Variants in XRCC5 observed in about 807,000 individuals in gnomAD.
The protein encoded by XRCC5 is DNA repair protein Ku80.
In XRCC5, 12 loss-of-function variants were observed where a neutral mutation model predicts 95.7. The ratio of observed to expected loss-of-function variants is 0.13; its 90% CI spans 0.08 to 0.20. The LOEUF (loss-of-function observed/expected upper bound fraction) is 0.20, where lower values mean the gene tolerates loss of function less well. XRCC5 is among the 10% of genes least tolerant of loss of function. The pLI, the probability that XRCC5 is intolerant of heterozygous loss-of-function variation, is 1.00. For synonymous variants in XRCC5, 281 were observed against 290.3 expected (o/e 0.97, Z 0.33); for missense variants, 595 against 873.9 (o/e 0.68, Z 4.02).
At chr2:216,150,810 A>T (rs749644970) in intron 14 of XRCC5, among the ~76,000 whole-genome samples, 2 of 152,046 alleles carry the variant, frequency 1.3e-5, no homozygotes, top group Non-Finnish European at 2.9e-5. Flanking sequence ...AATCTCTTGA[A>T]CCTGGGAGGC....
At chr2:216,185,218 C>T (rs1225985829) in intron 16 of XRCC5, among the ~76,000 whole-genome samples, 2 of 152,166 alleles carry the variant, frequency 1.3e-5, no homozygotes, top group Non-Finnish European at 2.9e-5. Context: ...TAACACACTT[C>T]GTAACCTGCA....
intron 16 of XRCC5, among the ~76,000 whole-genome samples, chr2:216,167,606 GTGT>G (rs1559254093): frequency 1.8e-5 from 2 of 111,798 alleles, no homozygotes; most frequent in Non-Finnish European, 3.7e-5. Flanking sequence ...GTGTGTGTGT[GTGT>G]GTGTGATTTT....
Position 216,116,551 on chromosome 2 carries a change from G to A in XRCC5, c.136-108G>A, listed in dbSNP as rs149116378. 2.5e-4 allele frequency: 301 copies of A among 1,226,930 alleles called. 2 individuals carry two copies. In the African/African-American group the frequency reaches 3.7e-3, roughly 15 times the overall value. The allele number at this position is 1,226,930 out of a possible 1,614,324, so 76.0% of individuals were successfully genotyped here. A position where few individuals can be genotyped will look rare whatever the true frequency, so the allele number is the denominator to read the frequency against. ...TCCCGCCCAATACTATATGGCCCCA[G>A]GGACCTGCCATAGGGAGGTCTGGTT... On this transcript the variant is annotated intron_variant, in intron 2 of 20. Transcript: ENST00000392132.
chr2:216,148,007 G>A, intron 13 of XRCC5, 76 bp from the exon 14 acceptor site: 1 of 1,469,886 alleles, frequency 6.8e-7, no homozygotes, highest in Admixed American at 2.3e-5. Context: ...TAAAGATGGA[G>A]GATCCCTGAT....
At chr2:216,175,872 T>G in intron 16 of XRCC5, 1 of 430,042 alleles carries the variant, frequency 2.3e-6, no homozygotes, top group South Asian at 1.9e-5. Context: ...AAATGTTCTC[T>G]TAACCCATCA....
chr2:216,204,445 A>G (rs755845339), intron 20 of XRCC5, 49 bp downstream of exon 20: 2 of 1,597,438 alleles, frequency 1.3e-6, no homozygotes, highest in Non-Finnish European at 1.7e-6. Context: ...AAGTCACCTG[A>G]GCTGTAAATA....
intron 16 of XRCC5, among the ~76,000 whole-genome samples, chr2:216,173,961 G>A (rs747006816): frequency 1.3e-5 from 2 of 152,186 alleles, no homozygotes; most frequent in African/African-American, 4.8e-5. Flanking sequence ...CACTAAGACA[G>A]CTAATATTTT....
At chr2:216,132,525 C>A (rs1697011918) in intron 10 of XRCC5, 138 bp downstream of exon 10, 7 of 836,014 alleles carry the variant, frequency 8.4e-6, no homozygotes, top group Non-Finnish European at 1.4e-5. Context: ...TGATGTTTAA[C>A]TGAAAATGGA....
intron 16 of XRCC5, chr2:216,175,005 A>G: frequency 9.7e-6 from 3 of 310,654 alleles, no homozygotes; most frequent in South Asian, 6.6e-5. Flanking sequence ...TAATGGGTTC[A>G]TAATTTGATT....
rs543549439 is a variant in XRCC5 at position 216,190,294 on chromosome 2, G to C, written c.1904G>C (p.Ser635Thr). 9.9e-6 allele frequency: 16 copies of C among 1,613,954 alleles called. No homozygotes were observed. In the African/African-American group the frequency reaches 1.9e-4, roughly 19 times the overall value. ...DTNETPYFMK[S>T]IDCIRAFREE... is the part of the protein sequence containing the mutation. ...AATGAAACACCGTATTTTATGAAGA[G>C]CATAGACTGCATCCGAGCCTTCCGG... Residue 635 changes from serine to threonine, a missense_variant, in exon 17 of 21, where the codon AGC becomes ACC. By Grantham distance (58) the Ser-to-Thr change is moderately conservative (BLOSUM62 1). This residue lies in a region of XRCC5 where 309 missense variants were observed against 382.9 expected (regional missense o/e 0.81). Coordinates refer to ENST00000392132, the MANE Select transcript of XRCC5 (RefSeq NM_021141.4).
intron 10 of XRCC5, among the ~76,000 whole-genome samples, chr2:216,134,871 A>G (rs1043816974): frequency 5.9e-5 from 9 of 152,240 alleles, no homozygotes; most frequent in Non-Finnish European, 1.2e-4. Context: ...TAACTATTAG[A>G]ACATACATGT....
chr2:216,130,788 T>G, intron 8 of XRCC5, 87 bp from the exon 9 acceptor site: 1 of 771,610 alleles, frequency 1.3e-6, no homozygotes. Flanking sequence ...CGTGTGCGTG[T>G]GTTGTTAATG....
intron 16 of XRCC5, among the ~76,000 whole-genome samples, chr2:216,165,854 A>T (rs1269361691): frequency 6.6e-6 from 1 of 152,206 alleles, no homozygotes; most frequent in African/African-American, 2.4e-5. Context: ...CAGGCCTGAT[A>T]GTAGCATAAT....
At chr2:216,205,139 G>A (rs1267914633) in intron 20 of XRCC5, 49 bp from the exon 21 acceptor site, 1 of 1,610,934 alleles carries the variant, frequency 6.2e-7, no homozygotes, top group Non-Finnish European at 8.5e-7. Flanking sequence ...AGAAGCAGTG[G>A]TATGAAATTG....
At position 216,138,178 on chromosome 2, in the gene XRCC5, C is replaced by G. The variant is rs374258250; in HGVS notation, c.1341C>G (p.Thr447=). ...SLKNSKKYAP[T]EAQLNAVDAL... ...AAAACAGTAAGAAATATGCTCCCAC[C>G]GGTGAGTTTGTTTTCATTTAGATCA... Residue 447 remains threonine (T), a splice_region_variant and synonymous_variant, in exon 12 of 21, where the codon ACC becomes ACG. Coordinates refer to ENST00000392132, the MANE Select transcript of XRCC5 (RefSeq NM_021141.4). 1.2e-6 allele frequency: 2 copies of G among 1,611,952 alleles called. No homozygotes were observed. Among genetic ancestry groups the G allele is most frequent in the African/African-American group, 2.7e-5 (2 of 74,882 alleles).
At chr2:216,153,016 C>T (rs1351030449) in intron 14 of XRCC5, among the ~76,000 whole-genome samples, 1 of 152,022 alleles carries the variant, frequency 6.6e-6, no homozygotes, top group Non-Finnish European at 1.5e-5. Flanking sequence ...TAGCTTCTTC[C>T]CTCTAATTAC....
intron 14 of XRCC5, among the ~76,000 whole-genome samples, chr2:216,149,393 T>A (rs1246891181): frequency 2.0e-5 from 3 of 152,182 alleles, no homozygotes; most frequent in Non-Finnish European, 4.4e-5. Context: ...CTTGATAGAT[T>A]TTATGATGTG....
At chr2:216,191,102 T>TTA (rs980252043) in intron 17 of XRCC5, among the ~76,000 whole-genome samples, 34 of 152,292 alleles carry the variant, frequency 2.2e-4, no homozygotes, top group African/African-American at 7.5e-4. Context: ...GTAGATAACC[T>TTA]GAATACTCTT....
chr2:216,187,803 ACACACACACACACACACACTCT>A (rs2106044814), intron 16 of XRCC5, among the ~76,000 whole-genome samples: 1 of 103,662 alleles, frequency 9.6e-6, no homozygotes, highest in South Asian at 4.1e-4. Flanking sequence ...ACACACACAC[ACACACACACACACACACACTCT>A]CTCTCTCTCT....
Sources: allele counts gnomAD v4.1 joint callset (sites outside exome capture counted in the v4.1 genomes callset), GRCh38; gene constraint gnomAD v4.1.1; regional missense constraint gnomAD v4.1.1; transcripts MANE v1.5; gene names NCBI Gene and HGNC (gene_info 2026-07-23, HGNC 2026-07-21).